The following VPS45 variants were observed in gnomAD, a reference collection of about 807,000 sequenced individuals.
The protein encoded by VPS45 is vacuolar protein sorting 45 homolog, also known as vacuolar protein sorting-associated protein 45.
Under a neutral mutation model 75.9 loss-of-function variants are expected in VPS45, and 35 were observed. The observed-to-expected ratio is 0.46, with a 90% confidence interval of 0.35 to 0.61. VPS45 has a LOEUF of 0.61. VPS45 is among the 20% of genes least tolerant of loss of function. VPS45 has a pLI of 0.00. For synonymous variants in VPS45, 220 were observed against 238.2 expected (o/e 0.92, Z 0.70); for missense variants, 559 against 685.9 (o/e 0.81, Z 2.07).
In VPS45 at chr1:150,092,090, C is replaced by G. The variant is rs1553802031; in HGVS notation, c.1258C>G (p.Arg420Gly). 2 of 1,612,776 alleles carry G rather than the reference C, an allele frequency of 1.2e-6. No individual in the cohort carries two copies. Among genetic ancestry groups the G allele is most frequent in the Admixed American group, 1.7e-5 (1 of 59,842 alleles). ...LRNKGVSEKY[R>G]KLVSAVVEYG... ...GAATAAAGGTGTTTCTGAGAAGTAT[C>G]GAAAGGTAACCAGTTTCCATATTAG... The change falls in exon 11 of 15, where the codon CGA becomes GGA. Residue 420 changes from arginine to glycine, a missense_variant. Coordinates refer to ENST00000644510, the MANE Select transcript of VPS45 (RefSeq NM_007259.5).
At chr1:150,084,915 T>TA (rs1272051938) in intron 10 of VPS45, among the ~76,000 whole-genome samples, 12 of 137,744 alleles carry the variant, frequency 8.7e-5, no homozygotes, top group African/African-American at 4.1e-4. Flanking sequence ...CTAAGCATGA[T>TA]TTTTTTTTTA....
chr1:150,097,765 T>C lies in VPS45; in HGVS notation c.1493+4117T>C, dbSNP rs148351387. 2.2e-3 allele frequency among the ~76,000 whole-genome samples: 332 copies of C among 152,094 alleles called. 7 individuals are homozygous for C. The East Asian group carries it at 0.055, about 25-fold the overall frequency. ...AAAAAAGTGTACATGTATATAAATA[T>C]GTGCTTGACTATACATATGTATGTA... On this transcript the variant is annotated intron_variant, in intron 13 of 14. Transcript: ENST00000644510.
At chr1:150,095,122 A>G (rs587725508) in intron 13 of VPS45, among the ~76,000 whole-genome samples, 1 of 152,374 alleles carries the variant, frequency 6.6e-6, no homozygotes, top group Non-Finnish European at 1.5e-5. Context: ...CAGGAAAGAC[A>G]AGGTACCCGC....
chr1:150,081,886 T>C lies in VPS45; in HGVS notation c.825T>C (p.Asn275=). 1 of 1,602,834 alleles carries C rather than the reference T, an allele frequency of 6.2e-7. No individual in the cohort carries two copies. Among genetic ancestry groups the C allele is most frequent in the Non-Finnish European group, 8.5e-7 (1 of 1,172,306 alleles). Residue 275 remains asparagine (N), a splice_region_variant and synonymous_variant, in exon 9 of 15, where the codon AAT becomes AAC. Coordinates refer to ENST00000644510, the MANE Select transcript of VPS45 (RefSeq NM_007259.5). ...GCTTCCAACTTTCTTTTTCACAGAA[T>C]ATGTACCTGAACTTTGCTGAGATTG... is the stretch of plus-strand genomic sequence containing the variant. ...SAENDEFYAN[N]MYLNFAEIGS...
At chr1:150,105,023 CCA>C (rs1657242410) in intron 13 of VPS45, among the ~76,000 whole-genome samples, 1 of 152,192 alleles carries the variant, frequency 6.6e-6, no homozygotes. Context: ...ATAATGTTTT[CCA>C]CAGAGGTTGA....
intron 14 of VPS45, among the ~76,000 whole-genome samples, chr1:150,130,601 C>T (rs1334184213): frequency 1.3e-5 from 2 of 152,102 alleles, no homozygotes; most frequent in Admixed American, 1.3e-4. Flanking sequence ...TTAAGTGTAG[C>T]ACAATTTCAT....
At chr1:150,124,290 C>T (rs1458959453) in intron 14 of VPS45, among the ~76,000 whole-genome samples, 1 of 152,076 alleles carries the variant, frequency 6.6e-6, no homozygotes, top group East Asian at 2.0e-4. Flanking sequence ...GAAACCCCAT[C>T]GCTACTAAAA....
At chr1:150,117,237 G>A (rs1571889937) in intron 14 of VPS45, among the ~76,000 whole-genome samples, 1 of 148,750 alleles carries the variant, frequency 6.7e-6, no homozygotes, top group South Asian at 2.1e-4. Flanking sequence ...TAATAAGTAG[G>A]GGGGCCAGGC....
chr1:150,133,410 C>T (rs758417746), intron 14 of VPS45, among the ~76,000 whole-genome samples: 2 of 151,964 alleles, frequency 1.3e-5, no homozygotes, highest in Non-Finnish European at 2.9e-5. Flanking sequence ...AAAAATTAGC[C>T]GGGCGTGGTG....
intron 12 of VPS45, 83 bp downstream of exon 12, chr1:150,092,492 G>GT: frequency 3.6e-6 from 4 of 1,105,998 alleles, no homozygotes; most frequent in Non-Finnish European, 5.2e-6. Flanking sequence ...GATCTTCAAA[G>GT]TATCTTGAAG....
chr1:150,098,826 G>T, intron 13 of VPS45: 1 of 1,255,400 alleles, frequency 8.0e-7, no homozygotes, highest in African/African-American at 1.6e-5. Flanking sequence ...TATTTTTCAA[G>T]CTAATTTTTT....
At chr1:150,068,097 C>T (rs781987801) in intron 1 of VPS45, 147 bp downstream of exon 1, 8 of 805,632 alleles carry the variant, frequency 9.9e-6, no homozygotes, top group Non-Finnish European at 1.6e-5. Flanking sequence ...TTATATAAAG[C>T]TTGCCCGGTG....
intron 14 of VPS45, among the ~76,000 whole-genome samples, chr1:150,114,858 G>A (rs1041620466): frequency 2.0e-5 from 3 of 150,142 alleles, no homozygotes; most frequent in South Asian, 2.1e-4. Context: ...GCAGTGAGCC[G>A]TGATCATGTC....
At chr1:150,093,878 C>T (rs995381364) in intron 13 of VPS45, among the ~76,000 whole-genome samples, 7 of 152,214 alleles carry the variant, frequency 4.6e-5, no homozygotes, top group African/African-American at 7.2e-5. Flanking sequence ...GCCTCAAATC[C>T]TTCTGTATTT....
chr1:150,105,443 T>TA (rs1657269553), intron 13 of VPS45, among the ~76,000 whole-genome samples: 2 of 152,156 alleles, frequency 1.3e-5, no homozygotes, highest in African/African-American at 4.8e-5. Context: ...AAAATCAACA[T>TA]ACAAAAATGA....
chr1:150,120,472 T>C (rs1658177189), intron 14 of VPS45, among the ~76,000 whole-genome samples: 2 of 152,220 alleles, frequency 1.3e-5, no homozygotes, highest in Admixed American at 1.3e-4. Context: ...ACAGAGCCTT[T>C]GTATAAGTAA....
At chr1:150,125,339 TTTTA>T (rs1208068760) in intron 14 of VPS45, among the ~76,000 whole-genome samples, 17 of 149,080 alleles carry the variant, frequency 1.1e-4, no homozygotes, top group African/African-American at 3.4e-4. Flanking sequence ...TTTTTACTTT[TTTTA>T]TTTATTTTTT....
At chr1:150,072,337 T>A in intron 3 of VPS45, 111 bp downstream of exon 3, 1 of 768,138 alleles carries the variant, frequency 1.3e-6, no homozygotes, top group Non-Finnish European at 2.0e-6. Context: ...TATAAAAGTC[T>A]AGTTTATTTA....
rs1298740891 is a variant in VPS45, at chr1:150,076,296, T to C, written c.353T>C (p.Val118Ala). ...KSLAEADEQE[V>A]VAEVQEFYGD... is the part of the protein sequence containing the mutation. ...TTGGCTGAAGCTGATGAACAGGAAGTTGTGGCTGAGGTTCAGGTAAACATA... is the reference window on the plus strand; with the variant it reads ...TTGGCTGAAGCTGATGAACAGGAAGCTGTGGCTGAGGTTCAGGTAAACATA... The change falls in exon 4 of 15, where the codon GTT becomes GCT. Residue 118 changes from valine (V) to alanine (A), a missense_variant. By Grantham distance (64) the Val-to-Ala change is moderately conservative. Transcript: ENST00000644510. 1 of 1,607,052 alleles carries C rather than the reference T, an allele frequency of 6.2e-7. No homozygotes were observed. The highest frequency in any genetic ancestry group is 2.2e-5 in the East Asian group (1 of 44,548).
Sources: allele counts gnomAD v4.1 joint callset (sites outside exome capture counted in the v4.1 genomes callset), GRCh38; gene constraint gnomAD v4.1.1; transcripts MANE v1.5; gene names NCBI Gene and HGNC (gene_info 2026-07-23, HGNC 2026-07-21).